CTNNA3: variants seen among roughly 807,000 people sequenced by gnomAD.
CTNNA3 encodes the protein catenin alpha 3.
CTNNA3 carries 76 observed loss-of-function variants against 95.7 expected under a neutral mutation model. The ratio of observed to expected loss-of-function variants is 0.79; its 90% CI spans 0.66 to 0.96. CTNNA3 has a LOEUF of 0.96. Ranked by LOEUF, CTNNA3 falls within the 40% of genes least tolerant of loss-of-function variation. CTNNA3 has a pLI of 0.00. For missense variants in CTNNA3, 1,191 were observed against 1,089.8 expected (o/e 1.09, Z -1.31); for synonymous variants, 431 against 374.4 (o/e 1.15, Z -1.74).
At chr10:66,908,240 A>T (rs1291689729) in intron 7 of CTNNA3, among the ~76,000 whole-genome samples, 1 of 152,192 alleles carries the variant, frequency 6.6e-6, no homozygotes, top group African/African-American at 2.4e-5. Flanking sequence ...TTTGCCCTTT[A>T]GTATACTGCT....
rs1841166010 is a variant in CTNNA3 at position 67,554,627 on chromosome 10, T to G, written c.293-14958A>C. ...TTGATTTTTTTCTTGTAAATTTGTT[T>G]AAGTTCTTTGTAGATTCTGTATATT... On this transcript the variant is annotated intron_variant, in intron 3 of 17. Coordinates refer to ENST00000433211, the MANE Select transcript of CTNNA3 (RefSeq NM_013266.4). Among the ~76,000 whole-genome samples the G allele has an allele frequency of 2.0e-5, 3 of 152,210 alleles. No individual in the cohort carries two copies. In the South Asian group the frequency reaches 6.2e-4, roughly 32 times the overall value.
intron 10 of CTNNA3, among the ~76,000 whole-genome samples, chr10:66,541,375 C>T (rs1333673219): frequency 6.6e-6 from 1 of 152,068 alleles, no homozygotes; most frequent in African/African-American, 2.4e-5. Context: ...CAAGAATATT[C>T]GTGTATTAGA....
chr10:67,282,187 C>A lies in CTNNA3; in HGVS notation c.580-62317G>T, dbSNP rs558823082. ...AGAAGTAATTCTACCCTATTCCTTACGCAACTTGGTCCAAAATTTATTTTA... is the reference window on the plus strand; with the variant it reads ...AGAAGTAATTCTACCCTATTCCTTAAGCAACTTGGTCCAAAATTTATTTTA... On this transcript the variant is annotated intron_variant, in intron 5 of 17. Transcript: ENST00000433211. 2.0e-5 allele frequency among the ~76,000 whole-genome samples: 3 copies of A among 152,250 alleles called. No individual in the cohort carries two copies. The South Asian group carries it at 6.2e-4, about 32-fold the overall frequency.
chr10:67,283,981 T>C (rs1394295028), intron 5 of CTNNA3, among the ~76,000 whole-genome samples: 2 of 152,240 alleles, frequency 1.3e-5, no homozygotes, highest in African/African-American at 2.4e-5. Context: ...TAAATGTGTA[T>C]GCCTTTTCTC....
rs113209255 is a variant in CTNNA3, at chr10:66,360,179, A to G, written c.1732+18973T>C. Among the ~76,000 whole-genome samples the G allele has an allele frequency of 6.5e-3, 922 of 141,264 alleles. 10 individuals are homozygous for G. Among genetic ancestry groups the G allele is most frequent in the African/African-American group, 0.021 (872 of 40,684 alleles). 92.7% of individuals were successfully genotyped at this position (141,264 alleles called of 152,430 possible). A position where few individuals can be genotyped will look rare whatever the true frequency, so the allele number is the denominator to read the frequency against. ...TGAAAACTTTTAAAGCATTATATCT[A>G]TATATAAAAACACTGAACTTTTTTT... On this transcript the variant is annotated intron_variant, in intron 12 of 17. Transcript: ENST00000433211.
intron 11 of CTNNA3, among the ~76,000 whole-genome samples, chr10:66,468,711 A>T (rs1377465000): frequency 6.6e-6 from 1 of 151,968 alleles, no homozygotes; most frequent in Non-Finnish European, 1.5e-5. Context: ...TACGTATATC[A>T]AACATCATGT....
At chr10:67,112,958 C>A (rs1180954547) in intron 7 of CTNNA3, among the ~76,000 whole-genome samples, 1 of 152,076 alleles carries the variant, frequency 6.6e-6, no homozygotes, top group Non-Finnish European at 1.5e-5. Context: ...TATGCTTCAT[C>A]CCCAGTGAGT....
chr10:67,704,606 C>A (rs1841066059), intron 1 of CTNNA3, among the ~76,000 whole-genome samples: 1 of 152,164 alleles, frequency 6.6e-6, no homozygotes. Context: ...CCCTTCCTTA[C>A]ACCTTATACA....
intron 10 of CTNNA3, among the ~76,000 whole-genome samples, chr10:66,608,050 CCA>C (rs1465826424): frequency 6.6e-6 from 1 of 151,928 alleles, no homozygotes; most frequent in Non-Finnish European, 1.5e-5. Context: ...CTAGAAAATC[CCA>C]CAGTCTCAGC....
intron 17 of CTNNA3, among the ~76,000 whole-genome samples, chr10:65,923,434 C>T (rs896970434): frequency 6.6e-6 from 1 of 152,042 alleles, no homozygotes; most frequent in Non-Finnish European, 1.5e-5. Flanking sequence ...TAATTTTATC[C>T]CAATACTGGC....
chr10:66,533,888 T>C (rs1160788584), intron 10 of CTNNA3, among the ~76,000 whole-genome samples: 2 of 152,116 alleles, frequency 1.3e-5, no homozygotes, highest in Non-Finnish European at 2.9e-5. Flanking sequence ...CTGGGCAACA[T>C]AGCAAGACCC....
chr10:66,417,490 G>C (rs1193977316), intron 11 of CTNNA3, among the ~76,000 whole-genome samples: 2 of 151,916 alleles, frequency 1.3e-5, no homozygotes, highest in Admixed American at 1.3e-4. Flanking sequence ...AATCAAAAAA[G>C]AAACATTGAA....
intron 5 of CTNNA3, among the ~76,000 whole-genome samples, chr10:67,429,849 A>G (rs1348598337): frequency 3.9e-5 from 6 of 151,940 alleles, no homozygotes; most frequent in Non-Finnish European, 8.8e-5. Context: ...AAGCATACCA[A>G]TTTGGATGCA....
chr10:66,631,398 C>T (rs1845128749), intron 9 of CTNNA3, among the ~76,000 whole-genome samples: 1 of 152,118 alleles, frequency 6.6e-6, no homozygotes, highest in Admixed American at 6.6e-5. Flanking sequence ...CAATTTAATT[C>T]AACTGTGTAA....
chr10:66,809,356 C>T (rs1405685211), intron 7 of CTNNA3, among the ~76,000 whole-genome samples: 3 of 151,968 alleles, frequency 2.0e-5, no homozygotes, highest in Admixed American at 6.6e-5. Flanking sequence ...TTTAAAATAT[C>T]GGTTTACATC....
intron 13 of CTNNA3, among the ~76,000 whole-genome samples, chr10:66,251,296 T>C (rs1195926162): frequency 1.2e-5 from 1 of 80,884 alleles, no homozygotes; most frequent in Non-Finnish European, 2.8e-5. Flanking sequence ...ATGATTAAGA[T>C]TATACCTTTG....
At chr10:67,335,829 A>C (rs1218065705) in intron 5 of CTNNA3, among the ~76,000 whole-genome samples, 1 of 151,960 alleles carries the variant, frequency 6.6e-6, no homozygotes, top group Admixed American at 6.5e-5. Context: ...CTGTGTGTAA[A>C]TGTGTGTATA....
chr10:66,316,624 G>T (rs1195771649), intron 12 of CTNNA3, among the ~76,000 whole-genome samples: 1 of 151,928 alleles, frequency 6.6e-6, no homozygotes, highest in Admixed American at 6.6e-5. Context: ...GGATTTGGGA[G>T]CAAACCAGAG....
intron 5 of CTNNA3, among the ~76,000 whole-genome samples, chr10:67,469,484 A>G (rs2133021813): frequency 6.6e-6 from 1 of 152,150 alleles, no homozygotes; most frequent in South Asian, 2.1e-4. Context: ...GGAAACCATC[A>G]TTCTCAGAAA....
Sources: allele counts gnomAD v4.1 joint callset (sites outside exome capture counted in the v4.1 genomes callset), GRCh38; gene constraint gnomAD v4.1.1; transcripts MANE v1.5; gene names NCBI Gene and HGNC (gene_info 2026-07-23, HGNC 2026-07-21).